The following INTU variants were observed in gnomAD, a reference collection of about 807,000 sequenced individuals.
INTU encodes inturned planar cell polarity protein.
A neutral mutation model predicts 100.5 loss-of-function variants in INTU; 68 were observed. The observed-to-expected ratio is 0.68, with a 90% CI of 0.56 to 0.83. The LOEUF is 0.83. Among genes scored for constraint, INTU ranks in the 40% least tolerant of loss-of-function variants. The pLI, the probability that INTU is intolerant of heterozygous loss-of-function variation, is 0.00. For synonymous variants in INTU, 357 were observed against 395.7 expected (o/e 0.90, Z 1.16); for missense variants, 1,071 against 1,114.7 (o/e 0.96, Z 0.56).
intron 9 of INTU, among the ~76,000 whole-genome samples, chr4:127,701,491 G>A (rs1161507465): frequency 2.6e-5 from 4 of 151,998 alleles, no homozygotes; most frequent in South Asian, 2.1e-4. Context: ...CTAATGACTG[G>A]GTATTAGATG....
chr4:127,681,891 TCAAA>T (rs1300811398), intron 6 of INTU, among the ~76,000 whole-genome samples: 6 of 151,798 alleles, frequency 4.0e-5, no homozygotes, highest in African/African-American at 1.5e-4. Context: ...TACAATGAAC[TCAAA>T]CAAATCTGCA....
chr4:127,726,521 A>G lies in INTU; in HGVS notation c.*10085A>G, dbSNP rs543148230. 6 of 152,332 alleles carry G rather than the reference A, an allele frequency of 3.9e-5. No homozygotes were observed. The highest frequency in any genetic ancestry group is 9.6e-5 in the African/African-American group (4 of 41,580). 9.4% of individuals were successfully genotyped at this position (152,332 alleles called of 1,614,324 possible). A position where few individuals can be genotyped will look rare whatever the true frequency, so the allele number is the denominator to read the frequency against. On this transcript the variant is annotated 3_prime_UTR_variant, in exon 16 of 16. Transcript: ENST00000335251. ...CCTGCTACTGTACAAAATGTAGGGG[A>G]AAAGCTGAGAAAAATCATTTATCAA...
At chr4:127,668,303 C>G (rs945041626) in intron 4 of INTU, among the ~76,000 whole-genome samples, 22 of 151,802 alleles carry the variant, frequency 1.4e-4, no homozygotes, top group African/African-American at 5.3e-4. Context: ...CCGGGACATG[C>G]TCTTCTTGAA....
chr4:127,666,964 GAC>G (rs1728724806), intron 4 of INTU, among the ~76,000 whole-genome samples: 1 of 152,068 alleles, frequency 6.6e-6, no homozygotes, highest in South Asian at 2.1e-4. Context: ...AATTTACTTA[GAC>G]ACATTTTTTT....
chr4:127,696,118 T>C (rs1208456281), intron 8 of INTU, among the ~76,000 whole-genome samples: 1 of 152,190 alleles, frequency 6.6e-6, no homozygotes, highest in Non-Finnish European at 1.5e-5. Flanking sequence ...TTTTTGAATG[T>C]ATGTTCTTGA....
chr4:127,680,220 C>T lies in INTU; in HGVS notation c.1182-4189C>T, dbSNP rs868378094. On this transcript the variant is annotated intron_variant, in intron 6 of 15. Transcript: ENST00000335251. ...TTCCTTCTGAAACTATTCCAATCAACAGAAAAAGAGGGAATCCTCCCTAAC... is the reference window on the plus strand; with the variant it reads ...TTCCTTCTGAAACTATTCCAATCAATAGAAAAAGAGGGAATCCTCCCTAAC... 7.3e-5 allele frequency among the ~76,000 whole-genome samples: 11 copies of T among 151,578 alleles called. No individual in the cohort carries two copies. In the South Asian group the frequency reaches 1.5e-3, roughly 20 times the overall value.
In INTU at chr4:127,724,462, G is replaced by C. The variant is rs965690516; in HGVS notation, c.*8026G>C. ...TACTAACTTTTATCTTAGAAATATA[G>C]ATCATTATGCATTGGGTTTTTTCAA... On this transcript the variant is annotated 3_prime_UTR_variant, in exon 16 of 16. Coordinates refer to ENST00000335251, the MANE Select transcript of INTU (RefSeq NM_015693.4). 1.3e-5 allele frequency: 2 copies of C among 151,300 alleles called. No individual in the cohort carries two copies. Among genetic ancestry groups the C allele is most frequent in the African/African-American group, 4.9e-5 (2 of 41,188 alleles). The allele number at this position is 151,300 out of a possible 1,614,324, so 9.4% of individuals were successfully genotyped here. A position where few individuals can be genotyped will look rare whatever the true frequency, so the allele number is the denominator to read the frequency against.
chr4:127,689,327 T>C (rs1729997320), intron 8 of INTU, among the ~76,000 whole-genome samples: 2 of 152,158 alleles, frequency 1.3e-5, no homozygotes, highest in South Asian at 4.1e-4. Context: ...GTATGAGATA[T>C]ATAATTCTAC....
chr4:127,708,315 T>A (rs1730969085), intron 12 of INTU, among the ~76,000 whole-genome samples: 1 of 152,074 alleles, frequency 6.6e-6, no homozygotes, highest in South Asian at 2.1e-4. Context: ...GGGAGACAAG[T>A]ATGCATACAT....
In INTU at chr4:127,706,811, C is replaced by A; in HGVS notation, c.2113C>A (p.Arg705Ser). 3 of 1,614,106 alleles carry A rather than the reference C, an allele frequency of 1.9e-6. No homozygotes were observed. The highest frequency in any genetic ancestry group is 2.5e-6 in the Non-Finnish European group (3 of 1,179,998). The change falls in exon 12 of 16, where the codon CGC (arginine) becomes AGC (serine). Residue 705 changes from arginine to serine, a missense_variant. Transcript: ENST00000335251. ...TLFGDYSLKT[R>S]KPSPSCSSGG... Reference sequence around the variant, plus strand: ...TTTTGGTGACTATTCCTTAAAGACACGCAAGCCTAGTCCTTCCTGTAGTAG... The same window carrying A: ...TTTTGGTGACTATTCCTTAAAGACAAGCAAGCCTAGTCCTTCCTGTAGTAG...
rs1560825830 is a variant in INTU at position 127,640,596 on chromosome 4, T to TATATATAC, written c.147-2924_147-2923insTATATACA. Among the ~76,000 whole-genome samples, 15 of 39,836 alleles carry TATATATAC rather than the reference T, an allele frequency of 3.8e-4. 2 individuals carry two copies. Among genetic ancestry groups the TATATATAC allele is most frequent in the Admixed American group, 9.9e-4 (3 of 3,020 alleles). The allele number at this position is 39,836 out of a possible 152,430, so 26.1% of individuals were successfully genotyped here. A position where few individuals can be genotyped will look rare whatever the true frequency, so the allele number is the denominator to read the frequency against. ...ATATATATATATATATATATACATA[T>TATATATAC]ACATAAACACACATGTGTATATTGA... On this transcript the variant is annotated intron_variant, in intron 1 of 15. Coordinates refer to ENST00000335251, the MANE Select transcript of INTU (RefSeq NM_015693.4).
At chr4:127,709,658 AT>A (rs1475294992) in intron 13 of INTU, among the ~76,000 whole-genome samples, 25 of 151,696 alleles carry the variant, frequency 1.6e-4, no homozygotes, top group African/African-American at 5.8e-4. Flanking sequence ...AACTGGTGTA[AT>A]AAACTCAATT....
chr4:127,697,885 C>A (rs1730464291), intron 8 of INTU, among the ~76,000 whole-genome samples: 1 of 152,060 alleles, frequency 6.6e-6, no homozygotes, highest in Non-Finnish European at 1.5e-5. Context: ...CTTTGGTAGG[C>A]TGAGGTGGAC....
intron 2 of INTU, among the ~76,000 whole-genome samples, chr4:127,645,206 G>A (rs1440964127): frequency 6.6e-6 from 1 of 152,220 alleles, no homozygotes; most frequent in Admixed American, 6.5e-5. Context: ...CTGTGTCATT[G>A]AATCTGGGTG....
intron 15 of INTU, among the ~76,000 whole-genome samples, chr4:127,715,781 G>A (rs1350231457): frequency 6.6e-6 from 1 of 152,194 alleles, no homozygotes; most frequent in Non-Finnish European, 1.5e-5. Context: ...TTATGCAGAA[G>A]AGAAATTTAA....
chr4:127,682,636 C>A (rs1263567395), intron 6 of INTU, among the ~76,000 whole-genome samples: 1 of 150,084 alleles, frequency 6.7e-6, no homozygotes, highest in East Asian at 2.0e-4. Flanking sequence ...AGGAGGTATA[C>A]CTAATGCTAA....
At chr4:127,705,502 G>T in intron 10 of INTU, 89 bp from the exon 11 acceptor site, 3 of 953,490 alleles carry the variant, frequency 3.1e-6, no homozygotes, top group Non-Finnish European at 5.0e-6. Context: ...TAAACCAACG[G>T]AAGAAGTGTC....
intron 7 of INTU, chr4:127,686,484 A>G (rs1282236654): frequency 1.3e-5 from 2 of 152,188 alleles, no homozygotes; most frequent in African/African-American, 2.4e-5. Flanking sequence ...GACTTCAGAT[A>G]TCAAACCACA....
rs1553926879 is a variant in INTU, at chr4:127,710,874, A to ATTTCTTTTTTCTTCTCTTTGATTTTT, written c.2370-29_2370-4dup. 6.0e-6 allele frequency: 8 copies of ATTTCTTTTTTCTTCTCTTTGATTTTT among 1,327,988 alleles called. 1 individual carries two copies. In the African/African-American group the frequency reaches 1.2e-4, roughly 20 times the overall value. 82.3% of individuals were successfully genotyped at this position (1,327,988 alleles called of 1,614,324 possible). A position where few individuals can be genotyped will look rare whatever the true frequency, so the allele number is the denominator to read the frequency against. The stretch of plus-strand genomic sequence containing the variant: ...AACCAATATTTTAAAATTTACTAAA[A>ATTTCTTTTTTCTTCTCTTTGATTTTT]TTTCTTTTTTCTTCTCTTTGATTTT... On this transcript the variant is annotated intron_variant, in intron 13 of 15. Coordinates refer to ENST00000335251, the MANE Select transcript of INTU (RefSeq NM_015693.4).
Sources: gnomAD v4.1 joint callset for allele counts (sites outside exome capture counted in the v4.1 genomes callset) on GRCh38, gnomAD v4.1.1 for gene constraint, MANE v1.5 for transcripts, NCBI Gene and HGNC (gene_info 2026-07-23, HGNC 2026-07-21) for gene names.